BIN3: variants seen among roughly 807,000 people sequenced by gnomAD.
The protein encoded by BIN3 is bridging integrator 3.
Under a neutral mutation model 38.2 loss-of-function variants are expected in BIN3, and 41 were observed. The observed-to-expected ratio is 1.07, with a 90% CI of 0.84 to 1.39. The LOEUF is 1.39. BIN3 is among the 40% of genes most tolerant of loss of function. BIN3 has a pLI of 0.00. For synonymous variants in BIN3, 145 were observed against 122.6 expected (o/e 1.18, Z -1.21); for missense variants, 361 against 324.3 (o/e 1.11, Z -0.87).
chr8:22,628,055 A>G (rs1802060606), intron 6 of BIN3, among the ~76,000 whole-genome samples: 1 of 152,196 alleles, frequency 6.6e-6, no homozygotes, highest in Non-Finnish European at 1.5e-5. Flanking sequence ...GGAGGGGCGA[A>G]GAGGAGAAGG....
Position 22,644,808 on chromosome 8 carries a change from AAGAG to A in BIN3, c.9-9_9-6del. On this transcript the variant is annotated splice_polypyrimidine_tract_variant and splice_region_variant and intron_variant, in intron 1 of 8. Coordinates refer to ENST00000276416, the MANE Select transcript of BIN3 (RefSeq NM_018688.6). ...TGCCCAATCTTAAAAGGAATCCTAT[AAGAG>A]AAAGAGACAAAGAGAGATATTGTGA... 1 of 1,608,396 alleles carries A rather than the reference AAGAG, an allele frequency of 6.2e-7. No homozygotes were observed. The highest frequency in any genetic ancestry group is 8.5e-7 in the Non-Finnish European group (1 of 1,176,838).
intron 7 of BIN3, 74 bp from the exon 8 acceptor site, chr8:22,624,123 G>A (rs1406198914): frequency 9.4e-6 from 15 of 1,588,426 alleles, no homozygotes; most frequent in Admixed American, 1.7e-5. Context: ...GGGTGGGGAC[G>A]TCTGGTGTCT....
At chr8:22,644,946 GGGCATACAACCATT>G in intron 1 of BIN3, 143 bp from the exon 2 acceptor site, 1 of 685,548 alleles carries the variant, frequency 1.5e-6, no homozygotes, top group Non-Finnish European at 2.6e-6. Flanking sequence ...GTGCCCTGGT[GGGCATACAACCATT>G]GGCATCTGGG....
chr8:22,628,289 G>A (rs1346670215), intron 6 of BIN3, among the ~76,000 whole-genome samples: 2 of 152,172 alleles, frequency 1.3e-5, no homozygotes, highest in African/African-American at 4.8e-5. Flanking sequence ...GTGGCCATGT[G>A]GCCGTGATCT....
intron 1 of BIN3, among the ~76,000 whole-genome samples, chr8:22,663,162 G>A (rs1230713107): frequency 6.6e-6 from 1 of 151,842 alleles, no homozygotes; most frequent in Non-Finnish European, 1.5e-5. Context: ...GAAAATATCA[G>A]AGTGCATTGC....
intron 1 of BIN3, among the ~76,000 whole-genome samples, chr8:22,649,859 C>CATACACACACA (rs1563973928): frequency 0.069 from 9,164 of 133,546 alleles, 445 homozygotes; most frequent in South Asian, 0.1. Context: ...ACACACACAC[C>CATACACACACA]CCCAAAGGAA....
intron 1 of BIN3, among the ~76,000 whole-genome samples, chr8:22,659,036 C>T (rs1189891214): frequency 1.3e-5 from 2 of 152,234 alleles, no homozygotes; most frequent in African/African-American, 2.4e-5. Flanking sequence ...ACAAGGCCAC[C>T]ACCACCTTAA....
intron 1 of BIN3, among the ~76,000 whole-genome samples, chr8:22,655,626 T>C (rs993252745): frequency 2.0e-5 from 3 of 152,338 alleles, no homozygotes; most frequent in South Asian, 2.1e-4. Context: ...TTCATCTACA[T>C]GTCCATCTTG....
chr8:22,640,598 A>C (rs1462340048), intron 2 of BIN3, among the ~76,000 whole-genome samples: 1 of 152,168 alleles, frequency 6.6e-6, no homozygotes, highest in Non-Finnish European at 1.5e-5. Context: ...ACTTGGCCCA[A>C]ACCAAACCCC....
chr8:22,658,114 G>A (rs113729859), intron 1 of BIN3, among the ~76,000 whole-genome samples: 5 of 152,344 alleles, frequency 3.3e-5, no homozygotes, highest in African/African-American at 1.2e-4. Context: ...TGCGCTCTCT[G>A]CCTCTGGAGT....
chr8:22,656,004 A>AT (rs1250554655), intron 1 of BIN3, among the ~76,000 whole-genome samples: 10 of 152,114 alleles, frequency 6.6e-5, no homozygotes, highest in South Asian at 2.1e-4. Flanking sequence ...CTCATTAAAA[A>AT]TTTTTTTCCA....
intron 2 of BIN3, among the ~76,000 whole-genome samples, chr8:22,640,754 G>C (rs1802522739): frequency 6.6e-6 from 1 of 151,962 alleles, no homozygotes; most frequent in South Asian, 2.1e-4. Context: ...GACAACACCT[G>C]GTCTCCCTGG....
chr8:22,657,713 G>A (rs1585203203), intron 1 of BIN3, among the ~76,000 whole-genome samples: 1 of 152,252 alleles, frequency 6.6e-6, no homozygotes, highest in Non-Finnish European at 1.5e-5. Context: ...AAGGTGGCAA[G>A]GAAGGGAGAG....
rs1383223531 is a variant in BIN3 at position 22,623,161 on chromosome 8, A to G, written c.615+754T>C. Reference sequence around the variant, plus strand: ...GGTACTAAGGCTGTTGCTGAGCGCAAGCCATCAGCAGGGTCCTGTGTGGAA... The same window carrying G: ...GGTACTAAGGCTGTTGCTGAGCGCAGGCCATCAGCAGGGTCCTGTGTGGAA... On this transcript the variant is annotated intron_variant, in intron 8 of 8. Transcript: ENST00000276416. Among the ~76,000 whole-genome samples the G allele has an allele frequency of 2.6e-5, 4 of 152,338 alleles. No individual in the cohort carries two copies. The East Asian group carries it at 7.7e-4, about 29-fold the overall frequency.
At chr8:22,659,251 C>T (rs902788992) in intron 1 of BIN3, among the ~76,000 whole-genome samples, 6 of 152,218 alleles carry the variant, frequency 3.9e-5, no homozygotes, top group Admixed American at 2.0e-4. Context: ...TCAGTCCTTT[C>T]CAGTGCCTAT....
intron 6 of BIN3, among the ~76,000 whole-genome samples, chr8:22,627,985 A>G (rs1354672835): frequency 6.6e-6 from 1 of 152,228 alleles, no homozygotes; most frequent in Admixed American, 6.5e-5. Flanking sequence ...ATTACCCATG[A>G]TCACTGCCCA....
chr8:22,636,486 A>G (rs1160999221), intron 4 of BIN3, 39 bp downstream of exon 4: 6 of 1,549,020 alleles, frequency 3.9e-6, no homozygotes, highest in Non-Finnish European at 5.2e-6. Context: ...CCTCTGCCCC[A>G]CCTGCTCAAG....
rs1801792287 is a variant in BIN3 at position 22,621,209 on chromosome 8, C to T, written c.*213G>A. Reference sequence around the variant, plus strand: ...TAAAAAAGCCCCAAGGGTTTGTCTACACTGCTTACCTGCTGGGGCTGTGAG... The same window carrying T: ...TAAAAAAGCCCCAAGGGTTTGTCTATACTGCTTACCTGCTGGGGCTGTGAG... On this transcript the variant is annotated 3_prime_UTR_variant, in exon 9 of 9. Coordinates refer to ENST00000276416, the MANE Select transcript of BIN3 (RefSeq NM_018688.6). The T allele has an allele frequency of 4.8e-6, 3 of 619,550 alleles. No homozygotes were observed. Among genetic ancestry groups the T allele is most frequent in the Admixed American group, 3.0e-5 (1 of 33,332 alleles). 38.4% of individuals were successfully genotyped at this position (619,550 alleles called of 1,614,324 possible).
At chr8:22,638,335 G>A (rs1360428846) in intron 2 of BIN3, among the ~76,000 whole-genome samples, 2 of 152,362 alleles carry the variant, frequency 1.3e-5, no homozygotes, top group East Asian at 3.9e-4. Flanking sequence ...GAAGCCCAGA[G>A]ACAGGAGTGA....
Sources: allele counts gnomAD v4.1 joint callset (sites outside exome capture counted in the v4.1 genomes callset), GRCh38; gene constraint gnomAD v4.1.1; transcripts MANE v1.5; gene names NCBI Gene and HGNC (gene_info 2026-07-23, HGNC 2026-07-21).